The following PIP4K2A variants were observed in gnomAD, a reference collection of about 807,000 sequenced individuals.
PIP4K2A encodes phosphatidylinositol 5-phosphate 4-kinase type-2 alpha.
A neutral mutation model predicts 42.9 loss-of-function variants in PIP4K2A; 14 were observed. The ratio of observed to expected loss-of-function variants is 0.33; its 90% CI spans 0.22 to 0.51. PIP4K2A has a LOEUF of 0.51. Ranked by LOEUF, PIP4K2A falls within the 20% of genes least tolerant of loss-of-function variation. The probability of loss-of-function intolerance (pLI) is 0.97; values close to 1 mark genes in which losing one functional copy is unlikely to be tolerated. For missense variants in PIP4K2A, 434 were observed against 519.8 expected, an observed-to-expected ratio of 0.83 and a Z score of 1.61; for synonymous variants, 192 against 192.2, an observed-to-expected ratio of 1.00 and a Z score of 0.01.
chr10:22,713,968 A>C, intron 1 of PIP4K2A: 40 of 405,882 alleles, frequency 9.9e-5, no homozygotes, highest in East Asian at 4.0e-4. Context: ...GCACCGGGCC[A>C]TAGATCTAAA....
chr10:22,690,482 G>T (rs903527549), intron 1 of PIP4K2A, among the ~76,000 whole-genome samples: 1 of 152,210 alleles, frequency 6.6e-6, no homozygotes, highest in Non-Finnish European at 1.5e-5. Context: ...TTTTCCACAA[G>T]CTGAAATACT....
At chr10:22,570,382 G>A (rs1836956169) in intron 5 of PIP4K2A, among the ~76,000 whole-genome samples, 2 of 152,232 alleles carry the variant, frequency 1.3e-5, no homozygotes, top group East Asian at 1.9e-4. Context: ...CCCTGGGGAA[G>A]TCAGACAGAG....
intron 3 of PIP4K2A, among the ~76,000 whole-genome samples, chr10:22,596,560 A>C (rs951785199): frequency 6.6e-6 from 1 of 152,226 alleles, no homozygotes; most frequent in Admixed American, 6.5e-5. Context: ...GAAACTCCTC[A>C]GTGTGCTTTG....
chr10:22,595,383 T>C (rs1330541847), intron 3 of PIP4K2A, among the ~76,000 whole-genome samples: 2 of 152,238 alleles, frequency 1.3e-5, no homozygotes, highest in Non-Finnish European at 2.9e-5. Context: ...AGACTTTTTG[T>C]AGCCTTTAAA....
At chr10:22,684,886 C>T (rs2130887085) in intron 1 of PIP4K2A, among the ~76,000 whole-genome samples, 1 of 152,332 alleles carries the variant, frequency 6.6e-6, no homozygotes, top group East Asian at 1.9e-4. Context: ...TTGTCCACAG[C>T]TGTCCGATAC....
intron 3 of PIP4K2A, 146 bp from the exon 4 acceptor site, chr10:22,591,927 AT>A: frequency 1.6e-6 from 1 of 641,062 alleles, no homozygotes; most frequent in Non-Finnish European, 2.6e-6. Flanking sequence ...GGATGACAAC[AT>A]TTTTACATGC....
intron 1 of PIP4K2A, among the ~76,000 whole-genome samples, chr10:22,630,681 G>C (rs1423207439): frequency 1.3e-5 from 2 of 152,286 alleles, no homozygotes; most frequent in East Asian, 3.9e-4. Flanking sequence ...CAAAACTTCA[G>C]AATGAGCCAC....
At position 22,568,150 on chromosome 10, in the gene PIP4K2A, T is replaced by C. The variant is rs1362153513; in HGVS notation, c.640-261A>G. Reference sequence around the variant, plus strand: ...TGCTCACCTGTGTTTCTGTGGTTCTTGTCCACCTGCTGGAAGTTAGAAAAC... The same window carrying C: ...TGCTCACCTGTGTTTCTGTGGTTCTCGTCCACCTGCTGGAAGTTAGAAAAC... On this transcript the variant is annotated intron_variant, in intron 5 of 9. Coordinates refer to ENST00000376573, the MANE Select transcript of PIP4K2A (RefSeq NM_005028.5). 2.6e-5 allele frequency among the ~76,000 whole-genome samples: 4 copies of C among 152,386 alleles called. No individual in the cohort carries two copies. In the South Asian group the frequency reaches 8.3e-4, roughly 32 times the overall value.
At chr10:22,614,147 G>A (rs891273643) in intron 1 of PIP4K2A, among the ~76,000 whole-genome samples, 4 of 152,154 alleles carry the variant, frequency 2.6e-5, no homozygotes, top group Non-Finnish European at 5.9e-5. Flanking sequence ...AAATGTCAGG[G>A]AAACACAAAC....
intron 1 of PIP4K2A, among the ~76,000 whole-genome samples, chr10:22,613,876 G>A (rs1294949364): frequency 1.3e-5 from 2 of 152,154 alleles, no homozygotes. Flanking sequence ...AGGAGTTCCA[G>A]GACCATCACT....
intron 1 of PIP4K2A, among the ~76,000 whole-genome samples, chr10:22,627,588 TAATAAAAAAAAAAA>T (rs1218297664): frequency 0.036 from 1,407 of 38,778 alleles, 76 homozygotes; most frequent in African/African-American, 0.097. Context: ...AGCTAATATG[TAATAAAAAAAAAAA>T]AAAAAAAAAA....
intron 1 of PIP4K2A, among the ~76,000 whole-genome samples, chr10:22,617,566 A>T (rs1302985946): frequency 6.6e-6 from 1 of 152,236 alleles, no homozygotes; most frequent in Non-Finnish European, 1.5e-5. Flanking sequence ...TGCAAAAAGT[A>T]CCAAAAAAGC....
chr10:22,547,100 G>C (rs146051795), intron 7 of PIP4K2A, among the ~76,000 whole-genome samples: 7 of 152,004 alleles, frequency 4.6e-5, no homozygotes, highest in Non-Finnish European at 8.8e-5. Flanking sequence ...AGATCTTTAC[G>C]AGTCTAAGAC....
intron 1 of PIP4K2A, among the ~76,000 whole-genome samples, chr10:22,683,085 AC>A (rs533829283): frequency 0.077 from 11,590 of 149,630 alleles, 1,160 homozygotes; most frequent in African/African-American, 0.25. Context: ...AACAACAACA[AC>A]AAAAACAGCT....
intron 1 of PIP4K2A, among the ~76,000 whole-genome samples, chr10:22,649,728 G>A (rs910489897): frequency 2.6e-5 from 4 of 152,106 alleles, no homozygotes; most frequent in Non-Finnish European, 4.4e-5. Context: ...CTACATAATG[G>A]GACAGATTTA....
At position 22,685,009 on chromosome 10, in the gene PIP4K2A, C is replaced by T. The variant is rs188015841; in HGVS notation, c.144+29174G>A. Among the ~76,000 whole-genome samples the T allele has an allele frequency of 1.2e-4, 18 of 152,168 alleles. No individual in the cohort carries two copies. The East Asian group carries it at 2.3e-3, about 20-fold the overall frequency. ...GTGGAACCCGTGCAATAACAGAAAC[C>T]GCATTACTGGTGACACTCTTGTCAT... On this transcript the variant is annotated intron_variant, in intron 1 of 9. Coordinates refer to ENST00000376573, the MANE Select transcript of PIP4K2A (RefSeq NM_005028.5).
intron 1 of PIP4K2A, among the ~76,000 whole-genome samples, chr10:22,679,874 G>A (rs1050531377): frequency 2.0e-5 from 3 of 152,102 alleles, no homozygotes; most frequent in African/African-American, 4.8e-5. Flanking sequence ...CTGGGGGTAG[G>A]GGTTGGGGGA....
In PIP4K2A at chr10:22,537,035, T is replaced by C; in HGVS notation, c.*166A>G. The C allele has an allele frequency of 1.7e-6, 1 of 590,378 alleles. No individual in the cohort carries two copies. Among genetic ancestry groups the C allele is most frequent in the Non-Finnish European group, 3.0e-6 (1 of 328,314 alleles). The allele number at this position is 590,378 out of a possible 1,614,324, so 36.6% of individuals were successfully genotyped here. A position where few individuals can be genotyped will look rare whatever the true frequency, so the allele number is the denominator to read the frequency against. On this transcript the variant is annotated 3_prime_UTR_variant, in exon 10 of 10. Coordinates refer to ENST00000376573, the MANE Select transcript of PIP4K2A (RefSeq NM_005028.5). ...AACGATGCTGGGAAAATCAGGTAGC[T>C]GTAAAGCGAGTAGCCCCCAAATCAG...
rs984761946 is a variant in PIP4K2A at position 22,535,465 on chromosome 10, A to C, written c.*1736T>G. 2 of 152,278 alleles carry C rather than the reference A, an allele frequency of 1.3e-5. No homozygotes were observed. Among genetic ancestry groups the C allele is most frequent in the African/African-American group, 4.8e-5 (2 of 41,480 alleles). 9.4% of individuals were successfully genotyped at this position (152,278 alleles called of 1,614,324 possible). On this transcript the variant is annotated 3_prime_UTR_variant, in exon 10 of 10. Coordinates refer to ENST00000376573, the MANE Select transcript of PIP4K2A (RefSeq NM_005028.5). ...CTGGCTTCCAAAGACTCTGTGAACT[A>C]GATCCACATACACGGGGCACAGCTG...
Sources: gnomAD v4.1 joint callset for allele counts (sites outside exome capture counted in the v4.1 genomes callset) on GRCh38, gnomAD v4.1.1 for gene constraint, MANE v1.5 for transcripts, NCBI Gene and HGNC (gene_info 2026-07-23, HGNC 2026-07-21) for gene names.